SBNO2: variants seen among roughly 807,000 people sequenced by gnomAD.
The protein encoded by SBNO2 is protein strawberry notch homolog 2.
SBNO2 carries 89 observed loss-of-function variants against 146.3 expected under a neutral mutation model. The observed-to-expected ratio is 0.61, with a 90% CI of 0.51 to 0.73. The LOEUF is 0.73. SBNO2 is among the 30% of genes least tolerant of loss of function. The pLI is 0.00. For missense variants in SBNO2, 2,092 were observed against 2,003.7 expected, an observed-to-expected ratio of 1.04 and a Z score of -0.84; for synonymous variants, 1,147 against 892.6, an observed-to-expected ratio of 1.29 and a Z score of -5.08.
intron 2 of SBNO2, among the ~76,000 whole-genome samples, chr19:1,151,024 C>T (rs1257171772): frequency 6.6e-6 from 1 of 152,262 alleles, no homozygotes; most frequent in Non-Finnish European, 1.5e-5. Context: ...GTGCAAGTGG[C>T]TTGCAGGAAG....
chr19:1,149,750 C>T (rs1427845152), intron 2 of SBNO2, among the ~76,000 whole-genome samples: 1 of 152,242 alleles, frequency 6.6e-6, no homozygotes, highest in Non-Finnish European at 1.5e-5. Context: ...CGGGAGTCTG[C>T]ATCTCACACA....
intron 1 of SBNO2, among the ~76,000 whole-genome samples, chr19:1,172,761 A>G (rs2080490366): frequency 7.3e-6 from 1 of 137,658 alleles, no homozygotes; most frequent in Admixed American, 7.2e-5. Flanking sequence ...CCCCTCTGTA[A>G]AACACTCACT....
intron 1 of SBNO2, among the ~76,000 whole-genome samples, chr19:1,171,510 C>A (rs1025258437): frequency 6.6e-6 from 1 of 152,172 alleles, no homozygotes; most frequent in Admixed American, 6.5e-5. Flanking sequence ...TTACATGATA[C>A]CGCCCCCTTC....
chr19:1,123,271 T>C (rs556590743), intron 7 of SBNO2, among the ~76,000 whole-genome samples: 20 of 151,958 alleles, frequency 1.3e-4, no homozygotes, highest in African/African-American at 4.6e-4. Context: ...GCTGGGTTGG[T>C]TGGGGGCGTG....
intron 17 of SBNO2, among the ~76,000 whole-genome samples, chr19:1,114,683 G>A (rs1208167373): frequency 5.9e-5 from 9 of 152,238 alleles, no homozygotes; most frequent in Non-Finnish European, 7.4e-5. Flanking sequence ...TTACTCTGTC[G>A]CCAGGCTGGA....
At chr19:1,108,990 C>G in intron 30 of SBNO2, 21 bp from the exon 31 acceptor site, 1 of 1,501,042 alleles carries the variant, frequency 6.7e-7, no homozygotes, top group Non-Finnish European at 8.9e-7. Flanking sequence ...GACGGGTCGT[C>G]TCGGCTCAGG....
At chr19:1,171,662 C>T (rs1335606741) in intron 1 of SBNO2, among the ~76,000 whole-genome samples, 2 of 152,122 alleles carry the variant, frequency 1.3e-5, no homozygotes, top group African/African-American at 2.4e-5. Context: ...TGGGCCCTGC[C>T]GGAGGGGCAT....
chr19:1,125,926 C>T (rs1169649688), intron 5 of SBNO2, among the ~76,000 whole-genome samples: 2 of 148,974 alleles, frequency 1.3e-5, no homozygotes, highest in Admixed American at 1.3e-4. Context: ...CCCAGAAGGT[C>T]GAGGCTGAAA....
At chr19:1,161,974 C>CGGCCAGACAGA (rs1337242509) in intron 1 of SBNO2, among the ~76,000 whole-genome samples, 40 of 142,480 alleles carry the variant, frequency 2.8e-4, no homozygotes, top group South Asian at 2.3e-3. Context: ...CCCCAGCAGC[C>CGGCCAGACAGA]GGCCAGACAG....
chr19:1,112,998 A>C lies in SBNO2; in HGVS notation c.2248-49T>G. ...CCGGCCGTCAGTGTTGTGGCCTCGC[A>C]GGAGTCTGGCCACCCGTGTCTCAGC... On this transcript the variant is annotated intron_variant, in intron 19 of 31. Transcript: ENST00000361757. The surrounding 1 kb of genome is among the most constrained non-coding windows in gnomAD (Gnocchi z 5.9). The C allele has an allele frequency of 6.6e-7, 1 of 1,515,154 alleles. No individual in the cohort carries two copies. Among genetic ancestry groups the C allele is most frequent in the Non-Finnish European group, 8.9e-7 (1 of 1,128,788 alleles). The allele number at this position is 1,515,154 out of a possible 1,614,324, so 93.9% of individuals were successfully genotyped here.
intron 1 of SBNO2, chr19:1,168,880 C>A (rs568715953): frequency 1.3e-5 from 2 of 152,418 alleles, no homozygotes; most frequent in African/African-American, 4.8e-5. Flanking sequence ...CCTCCCCACG[C>A]CCCAGCACCC....
intron 1 of SBNO2, among the ~76,000 whole-genome samples, chr19:1,165,436 G>A (rs568930043): frequency 1.3e-5 from 2 of 152,254 alleles, no homozygotes; most frequent in South Asian, 4.1e-4. Context: ...AGAACAGAAG[G>A]AAGTCCAGGC....
intron 4 of SBNO2, among the ~76,000 whole-genome samples, chr19:1,129,687 G>A (rs537754236): frequency 1.3e-5 from 2 of 152,330 alleles, no homozygotes; most frequent in South Asian, 2.1e-4. Flanking sequence ...AGCATTTCCC[G>A]GGCAAGGTCA....
rs2080164063 is a variant in SBNO2, at chr19:1,144,077, C to G, written c.279+3232G>C. On this transcript the variant is annotated intron_variant, in intron 4 of 31. Transcript: ENST00000361757. The surrounding 1 kb of genome is among the most constrained non-coding windows in gnomAD (Gnocchi z 4.1). ...CTCGAACACCAGGCTCAGGTCTGGG[C>G]TCCTTCCTGGCTCCGCAGAACCACG... is the stretch of plus-strand genomic sequence containing the variant. 6.6e-6 allele frequency among the ~76,000 whole-genome samples: 1 copy of G among 152,214 alleles called. No individual in the cohort carries two copies. The highest frequency in any genetic ancestry group is 2.1e-4 in the South Asian group (1 of 4,824).
intron 4 of SBNO2, among the ~76,000 whole-genome samples, chr19:1,142,481 AC>A (rs1415015166): frequency 2.0e-5 from 3 of 152,222 alleles, no homozygotes; most frequent in Admixed American, 1.3e-4. Context: ...GGAGTTCGAG[AC>A]CAGCCTGGCC....
At chr19:1,167,510 G>A (rs1172331612) in intron 1 of SBNO2, among the ~76,000 whole-genome samples, 2 of 152,216 alleles carry the variant, frequency 1.3e-5, no homozygotes, top group Non-Finnish European at 2.9e-5. Context: ...CTGCTTTCGG[G>A]GAGCCACGTC....
At position 1,108,713 on chromosome 19, in the gene SBNO2, A is replaced by G; in HGVS notation, c.3617-9T>C. 6.4e-7 allele frequency: 1 copy of G among 1,558,734 alleles called. No homozygotes were observed. The highest frequency in any genetic ancestry group is 8.6e-7 in the Non-Finnish European group (1 of 1,160,518). On this transcript the variant is annotated splice_polypyrimidine_tract_variant and intron_variant, in intron 31 of 31. Transcript: ENST00000361757. ...CTCGGGGATCTTGATGCCTGCGGGC[A>G]GAGCGTCGGGGTCAGGGCCGGCGCT...
At position 1,173,660 on chromosome 19, in the gene SBNO2, A is replaced by G. The variant is rs1409832338; in HGVS notation, c.-127+512T>C. ...GCGGGAGAGACCGGGGGTCACTCCC[A>G]GGAAGGGGTCGAGGTCACGAGGCGC... On this transcript the variant is annotated intron_variant, in intron 1 of 31. Transcript: ENST00000361757. This position sits in a 1 kb window ranked among gnomAD's most constrained non-coding sequence, Gnocchi z 4.7. 1.3e-5 allele frequency: 2 copies of G among 152,154 alleles called. No homozygotes were observed. The highest frequency in any genetic ancestry group is 2.9e-5 in the Non-Finnish European group (2 of 68,146). The allele number at this position is 152,154 out of a possible 1,614,324, so 9.4% of individuals were successfully genotyped here.
chr19:1,142,146 C>T (rs2080145151), intron 4 of SBNO2, among the ~76,000 whole-genome samples: 3 of 150,794 alleles, frequency 2.0e-5, no homozygotes, highest in African/African-American at 7.4e-5. Flanking sequence ...ACCTCCCTCC[C>T]CACGATCAAT....
Sources: allele counts gnomAD v4.1 joint callset (sites outside exome capture counted in the v4.1 genomes callset), GRCh38; gene constraint gnomAD v4.1.1; non-coding constraint Gnocchi (gnomAD v3.1); transcripts MANE v1.5; gene names NCBI Gene and HGNC (gene_info 2026-07-23, HGNC 2026-07-21).